SNHG17: variants seen among roughly 807,000 people sequenced by gnomAD.
The protein encoded by SNHG17 is small nucleolar RNA host gene 17.
At chr20:38,428,872 TC>T (rs770918899) in intron 3 of SNHG17, 3 of 152,056 alleles carry the variant, frequency 2.0e-5, no homozygotes, top group Non-Finnish European at 2.9e-5. Flanking sequence ...AGGGAAATCC[TC>T]CCCATACAAG....
chr20:38,423,406 G>C (rs896993132), intron 5 of SNHG17, among the ~76,000 whole-genome samples: 2 of 147,378 alleles, frequency 1.4e-5, no homozygotes, highest in Non-Finnish European at 1.5e-5. Context: ...GACAGAGGGA[G>C]ACCCTGTCTC....
At chr20:38,424,451 GCCAGGACTGAA>G (rs1230619317) in intron 5 of SNHG17, among the ~76,000 whole-genome samples, 18 of 152,214 alleles carry the variant, frequency 1.2e-4, no homozygotes, top group Non-Finnish European at 2.4e-4. Flanking sequence ...GCTCCTCACA[GCCAGGACTGAA>G]GGTGGACTGT....
intron 3 of SNHG17, chr20:38,427,228 G>C (rs2084264280): frequency 1.1e-5 from 4 of 375,966 alleles, no homozygotes; most frequent in Admixed American, 2.9e-5. Context: ...ACTTAAGCAT[G>C]ATGCCCCCCC....
chr20:38,429,525 TCTG>T, intron 3 of SNHG17: 1 of 296,062 alleles, frequency 3.4e-6, no homozygotes, highest in South Asian at 2.8e-5. Context: ...ACCCAGCCCT[TCTG>T]CTCCATGAGG....
chr20:38,422,650 T>G (rs1229181807), intron 5 of SNHG17, among the ~76,000 whole-genome samples: 1 of 152,102 alleles, frequency 6.6e-6, no homozygotes, highest in Non-Finnish European at 1.5e-5. Flanking sequence ...TAAAGACATC[T>G]GCACTCCAAT....
At chr20:38,433,836 G>A (rs758637340) in intron 2 of SNHG17, 2 of 519,184 alleles carry the variant, frequency 3.9e-6, no homozygotes, top group Non-Finnish European at 7.7e-6. Flanking sequence ...CAAGTGCCAG[G>A]AGGCATTTGA....
chr20:38,423,982 G>T (rs1398404111), intron 5 of SNHG17, among the ~76,000 whole-genome samples: 1 of 152,096 alleles, frequency 6.6e-6, no homozygotes, highest in African/African-American at 2.4e-5. Context: ...GACCAGCCTG[G>T]CCAACATGGT....
chr20:38,422,757 A>C (rs1195646332), intron 5 of SNHG17, among the ~76,000 whole-genome samples: 3 of 152,158 alleles, frequency 2.0e-5, no homozygotes, highest in Non-Finnish European at 4.4e-5. Flanking sequence ...ATACGCACAC[A>C]CACACACGCA....
intron 2 of SNHG17, among the ~76,000 whole-genome samples, chr20:38,432,489 C>T (rs151267069): frequency 6.6e-6 from 1 of 152,282 alleles, no homozygotes; most frequent in Non-Finnish European, 1.5e-5. Flanking sequence ...CCTAGCTATA[C>T]CTCTGGCTTT....
In SNHG17 at chr20:38,435,084, G is replaced by T. The variant is rs1370346746; in HGVS notation, n.185+113C>A. Reference sequence around the variant, plus strand: ...CTGGGGGGCTCACTCCGGCAAAGAGGACGAGACACTGCACCAAGGACAGGG... The same window carrying T: ...CTGGGGGGCTCACTCCGGCAAAGAGTACGAGACACTGCACCAAGGACAGGG... On this transcript the variant is annotated intron_variant and non_coding_transcript_variant, in intron 1 of 8. Coordinates refer to ENST00000654008, the Ensembl canonical transcript of SNHG17. 3.2e-6 allele frequency: 4 copies of T among 1,231,996 alleles called. No homozygotes were observed. The African/African-American group carries it at 6.2e-5, about 19-fold the overall frequency. The allele number at this position is 1,231,996 out of a possible 1,614,324, so 76.3% of individuals were successfully genotyped here.
At chr20:38,427,415 C>T (rs1419992014) in intron 3 of SNHG17, 1 of 518,400 alleles carries the variant, frequency 1.9e-6, no homozygotes, top group Admixed American at 1.9e-5. Flanking sequence ...TAGGCACAGG[C>T]AGCCTATGAT....
chr20:38,434,022 C>T (rs763118808), intron 2 of SNHG17: 10 of 517,398 alleles, frequency 1.9e-5, no homozygotes, highest in African/African-American at 3.9e-5. Context: ...GGTGAGCCCA[C>T]GTCAGCGTGT....
intron 2 of SNHG17, chr20:38,432,207 A>T: frequency 2.0e-6 from 2 of 977,662 alleles, no homozygotes; most frequent in Non-Finnish European, 2.4e-6. Flanking sequence ...GCTAGTGTTA[A>T]CAGTGGTCTA....
chr20:38,435,186 T>C, intron 1 of SNHG17: 1 of 1,232,218 alleles, frequency 8.1e-7, no homozygotes, highest in African/African-American at 1.5e-5. Context: ...TGCGCCCTGC[T>C]GTGGACTCAC....
At chr20:38,434,897 T>G (rs2084405792) in intron 1 of SNHG17, 3 of 1,218,634 alleles carry the variant, frequency 2.5e-6, no homozygotes, top group African/African-American at 1.6e-5. Flanking sequence ...GGCGGGCAGC[T>G]AAAGTCGCCG....
intron 2 of SNHG17, among the ~76,000 whole-genome samples, chr20:38,433,321 T>C (rs914574064): frequency 2.6e-5 from 4 of 152,070 alleles, no homozygotes; most frequent in Non-Finnish European, 5.9e-5. Flanking sequence ...AAATCAACCA[T>C]CTACCAAGCA....
exon 1 of SNHG17, chr20:38,435,328 T>C (rs571413545): frequency 7.3e-6 from 9 of 1,231,090 alleles, no homozygotes; most frequent in African/African-American, 1.6e-5. Context: ...GGCGAAGGAC[T>C]GAGGCCACAC....
intron 5 of SNHG17, chr20:38,422,320 A>G (rs1171086383): frequency 2.0e-5 from 3 of 152,336 alleles, no homozygotes; most frequent in Non-Finnish European, 2.9e-5. Flanking sequence ...GCGCCCTGCT[A>G]CTATGAAGAC....
At chr20:38,432,609 G>T (rs962822831) in intron 2 of SNHG17, among the ~76,000 whole-genome samples, 1 of 152,188 alleles carries the variant, frequency 6.6e-6, no homozygotes, top group Non-Finnish European at 1.5e-5. Context: ...GTGGGAAATA[G>T]CTCTGACCAC....
Sources: gnomAD v4.1 joint callset for allele counts (sites outside exome capture counted in the v4.1 genomes callset) on GRCh38, gnomAD v4.1.1 for gene constraint, MANE v1.5 for transcripts, NCBI Gene and HGNC (gene_info 2026-07-23, HGNC 2026-07-21) for gene names.